The following ZNF280C variants were observed in gnomAD, a reference collection of about 807,000 sequenced individuals.
ZNF280C encodes zinc finger protein 280C, also known as suppressor of hairy wing homolog 3.
A neutral mutation model predicts 53.6 loss-of-function variants in ZNF280C; 14 were observed. That is an observed-to-expected ratio of 0.26 (90% confidence interval 0.17 to 0.41). The LOEUF is 0.41. ZNF280C is among the 10% of genes least tolerant of loss of function. ZNF280C has a pLI of 1.00. For synonymous variants in ZNF280C, 203 were observed against 181.1 expected, an observed-to-expected ratio of 1.12 and a Z score of -0.97; for missense variants, 416 against 547.1, an observed-to-expected ratio of 0.76 and a Z score of 2.39.
intron 2 of ZNF280C, among the ~76,000 whole-genome samples, chrX:130,252,258 C>T (rs1487561436): frequency 1.8e-5 from 2 of 112,405 alleles, no homozygotes; most frequent in African/African-American, 6.5e-5. Context: ...AAAAGCTTAT[C>T]TACTACTATC....
chrX:130,219,520 G>A (rs1295210268), intron 13 of ZNF280C, among the ~76,000 whole-genome samples: 69 of 94,689 alleles, frequency 7.3e-4, no homozygotes, highest in African/African-American at 2.5e-3. Flanking sequence ...AAAAGTCAGC[G>A]AAAACATATG....
chrX:130,205,018 T>A, intron 18 of ZNF280C, 26 bp from the exon 19 acceptor site: 2 of 1,004,239 alleles, frequency 2.0e-6, no homozygotes, highest in Non-Finnish European at 2.6e-6. Flanking sequence ...AAAAAAACTT[T>A]AATATTTTTC....
chrX:130,232,393 T>C (rs941091211), intron 8 of ZNF280C, among the ~76,000 whole-genome samples: 3 of 109,035 alleles, frequency 2.8e-5, no homozygotes, highest in African/African-American at 1.0e-4. Flanking sequence ...TTGTAGAATT[T>C]CTCTAGAAGA....
intron 15 of ZNF280C, among the ~76,000 whole-genome samples, chrX:130,210,936 A>C (rs2032033708): frequency 8.9e-6 from 1 of 112,100 alleles, no homozygotes; most frequent in African/African-American, 3.2e-5. Flanking sequence ...ATAGTGAACT[A>C]ATCTCTGGCA....
At chrX:130,250,054 A>C (rs1253675479) in intron 2 of ZNF280C, among the ~76,000 whole-genome samples, 1 of 112,228 alleles carries the variant, frequency 8.9e-6, no homozygotes, top group Non-Finnish European at 1.9e-5. Flanking sequence ...CGGAGGAAAG[A>C]ATCTCAGAAC....
chrX:130,231,459 A>G (rs1338099054), intron 8 of ZNF280C, among the ~76,000 whole-genome samples: 1 of 112,142 alleles, frequency 8.9e-6, no homozygotes, highest in East Asian at 2.8e-4. Context: ...TAACACAGAA[A>G]CAAAAAACTA....
intron 11 of ZNF280C, 69 bp downstream of exon 11, chrX:130,227,613 G>T: frequency 1.2e-6 from 1 of 804,490 alleles, no homozygotes; most frequent in Non-Finnish European, 1.9e-6. Context: ...AAAATCAAAA[G>T]AACAATACTA....
rs941032480 is a variant in ZNF280C, at chrX:130,246,953, C to T, written c.84G>A (p.Glu28=). 7 of 1,211,180 alleles carry T rather than the reference C, an allele frequency of 5.8e-6. No homozygotes were observed. The highest frequency in any genetic ancestry group is 7.8e-6 in the Non-Finnish European group (7 of 895,023). Reference sequence around the variant, plus strand: ...TTTCTTCTACTTTCTTCTGCCATGGCTCTAGCTCTTCTTCTTCACATTCCA... The same window carrying T: ...TTTCTTCTACTTTCTTCTGCCATGGTTCTAGCTCTTCTTCTTCACATTCCA... ...LFMECEEEEL[E]PWQKKVEETQ... The change falls in exon 3 of 19, where the codon GAG becomes GAA. Residue 28 remains glutamate (E), a synonymous_variant. Coordinates refer to ENST00000370978, the MANE Select transcript of ZNF280C (RefSeq NM_017666.5).
chrX:130,253,978 C>T (rs745992450), intron 2 of ZNF280C, among the ~76,000 whole-genome samples: 12 of 112,044 alleles, frequency 1.1e-4, no homozygotes, highest in Middle Eastern at 4.6e-3. Context: ...AGACAACCTA[C>T]AGACAGGAGA....
Position 130,260,461 on chromosome X carries a change from G to A in ZNF280C, c.-12C>T. ...TTGTCGTCATCCATGAAGTTGCAAGGTCACCTAAGTACGAACACATGACAT... is the reference window on the plus strand; with the variant it reads ...TTGTCGTCATCCATGAAGTTGCAAGATCACCTAAGTACGAACACATGACAT... On this transcript the variant is annotated 5_prime_UTR_variant, in exon 2 of 19. Coordinates refer to ENST00000370978, the MANE Select transcript of ZNF280C (RefSeq NM_017666.5). 8.4e-7 allele frequency: 1 copy of A among 1,193,171 alleles called. No homozygotes were observed. The highest frequency in any genetic ancestry group is 1.1e-6 in the Non-Finnish European group (1 of 884,540).
chrX:130,243,199 T>C (rs1370300106), intron 5 of ZNF280C, among the ~76,000 whole-genome samples: 1 of 111,604 alleles, frequency 9.0e-6, no homozygotes, highest in African/African-American at 3.3e-5. Context: ...TGTTTTTTTC[T>C]TGAATCAGGA....
At chrX:130,216,526 G>C (rs1444769100) in intron 13 of ZNF280C, among the ~76,000 whole-genome samples, 1 of 111,991 alleles carries the variant, frequency 8.9e-6, no homozygotes. Context: ...AGCACACAAA[G>C]AGATGGTCCA....
intron 2 of ZNF280C, among the ~76,000 whole-genome samples, chrX:130,258,209 T>C (rs1410587295): frequency 8.9e-6 from 1 of 112,217 alleles, no homozygotes; most frequent in Non-Finnish European, 1.9e-5. Context: ...ACTATAAGAA[T>C]AAATAAAAAC....
At chrX:130,219,817 G>A (rs1309548984) in intron 13 of ZNF280C, among the ~76,000 whole-genome samples, 3 of 109,794 alleles carry the variant, frequency 2.7e-5, no homozygotes, top group East Asian at 5.7e-4. Context: ...ACATTGAAAC[G>A]ACCTGCCAAC....
At chrX:130,218,292 G>T (rs1280479073) in intron 13 of ZNF280C, among the ~76,000 whole-genome samples, 1 of 111,481 alleles carries the variant, frequency 9.0e-6, no homozygotes, top group Admixed American at 9.5e-5. Flanking sequence ...CTATAAAACA[G>T]ATTTTCAGTA....
chrX:130,216,137 G>GT, intron 13 of ZNF280C, 36 bp from the exon 14 acceptor site: 3 of 1,077,773 alleles, frequency 2.8e-6, no homozygotes, highest in Non-Finnish European at 2.5e-6. Flanking sequence ...TTTTAGAAAA[G>GT]TAACCATCGC....
chrX:130,204,881 A>T lies in ZNF280C; in HGVS notation c.*96T>A. On this transcript the variant is annotated 3_prime_UTR_variant, in exon 19 of 19. Transcript: ENST00000370978. ...GCTAGTGTCATAAACTTGGCTGTTT[A>T]ACTGCCCTTTGTGTGAGAAAATACT... 1.2e-6 allele frequency: 1 copy of T among 839,996 alleles called. No individual in the cohort carries two copies. Among genetic ancestry groups the T allele is most frequent in the Non-Finnish European group, 1.6e-6 (1 of 623,648 alleles). 69.2% of individuals were successfully genotyped at this position (839,996 alleles called of 1,213,427 possible).
At chrX:130,216,955 G>A (rs1293884572) in intron 13 of ZNF280C, among the ~76,000 whole-genome samples, 1 of 111,340 alleles carries the variant, frequency 9.0e-6, no homozygotes, top group Non-Finnish European at 1.9e-5. Context: ...TGCCAAGATC[G>A]CACCACTGCA....
intron 12 of ZNF280C, 36 bp downstream of exon 12, chrX:130,226,723 A>G (rs776778180): frequency 9.3e-6 from 11 of 1,180,879 alleles, no homozygotes; most frequent in Non-Finnish European, 1.3e-5. Flanking sequence ...CTTTTCACTA[A>G]GACAACATGA....
Sources: gnomAD v4.1 joint callset for allele counts (sites outside exome capture counted in the v4.1 genomes callset) on GRCh38, gnomAD v4.1.1 for gene constraint, MANE v1.5 for transcripts, NCBI Gene and HGNC (gene_info 2026-07-23, HGNC 2026-07-21) for gene names.